The following GALNTL6 variants were observed in gnomAD, a reference collection of about 807,000 sequenced individuals.
GALNTL6 encodes polypeptide N-acetylgalactosaminyltransferase-like 6.
A neutral mutation model predicts 73.7 loss-of-function variants in GALNTL6; 46 were observed. The observed-to-expected ratio is 0.62, with a 90% CI of 0.49 to 0.80. GALNTL6 has a LOEUF of 0.80. Ranked by LOEUF, GALNTL6 falls within the 30% of genes least tolerant of loss-of-function variation. GALNTL6 has a pLI of 0.00. For synonymous variants in GALNTL6, 259 were observed against 263.7 expected, an observed-to-expected ratio of 0.98 and a Z score of 0.17; for missense variants, 604 against 755.0, an observed-to-expected ratio of 0.80 and a Z score of 2.34.
At chr4:172,037,502 T>C (rs1164351029) in intron 2 of GALNTL6, among the ~76,000 whole-genome samples, 2 of 152,156 alleles carry the variant, frequency 1.3e-5, no homozygotes, top group Non-Finnish European at 2.9e-5. Flanking sequence ...CCTGCTCACA[T>C]AAAAACACTA....
At chr4:172,774,813 A>G (rs1052427146) in intron 5 of GALNTL6, among the ~76,000 whole-genome samples, 1 of 152,054 alleles carries the variant, frequency 6.6e-6, no homozygotes, top group African/African-American at 2.4e-5. Context: ...ACAAAAAATT[A>G]GCTGGGCGTG....
chr4:172,489,589 G>A (rs1033614015), intron 5 of GALNTL6, among the ~76,000 whole-genome samples: 2 of 152,138 alleles, frequency 1.3e-5, no homozygotes, highest in Non-Finnish European at 2.9e-5. Flanking sequence ...ATTAATACTA[G>A]TGTCATTATC....
At chr4:172,209,261 TTCTGG>T (rs1290337095) in intron 2 of GALNTL6, among the ~76,000 whole-genome samples, 11 of 152,220 alleles carry the variant, frequency 7.2e-5, no homozygotes, top group African/African-American at 2.4e-4. Flanking sequence ...TATTTTAGCA[TTCTGG>T]AAATTATCCA....
chr4:171,939,601 T>G (rs56713135), intron 2 of GALNTL6, among the ~76,000 whole-genome samples: 6,691 of 152,084 alleles, frequency 0.044, 396 homozygotes, highest in African/African-American at 0.14. Context: ...AAACTGTGTT[T>G]AATTACTTCA....
chr4:172,989,692 C>T (rs1373859466), intron 10 of GALNTL6, among the ~76,000 whole-genome samples: 2 of 152,170 alleles, frequency 1.3e-5, no homozygotes, highest in Non-Finnish European at 2.9e-5. Flanking sequence ...CCATGTGAGA[C>T]GTGTCTGCTT....
At chr4:172,838,545 A>T (rs6827725) in intron 7 of GALNTL6, among the ~76,000 whole-genome samples, 1 of 152,088 alleles carries the variant, frequency 6.6e-6, no homozygotes, top group Non-Finnish European at 1.5e-5. Context: ...TCTCTGTTTA[A>T]GTTAGACAGA....
chr4:173,014,472 C>T (rs562031623), intron 11 of GALNTL6, among the ~76,000 whole-genome samples: 21 of 152,262 alleles, frequency 1.4e-4, no homozygotes, highest in Non-Finnish European at 2.4e-4. Context: ...TTCGTCCTCC[C>T]GAGGAAGCAA....
chr4:173,004,765 C>T (rs141879014), intron 10 of GALNTL6, among the ~76,000 whole-genome samples: 26 of 152,292 alleles, frequency 1.7e-4, no homozygotes, highest in Non-Finnish European at 2.8e-4. Context: ...TTCAGGTCCT[C>T]TCTGATGTCC....
At chr4:172,674,552 A>C (rs1397091394) in intron 5 of GALNTL6, among the ~76,000 whole-genome samples, 3 of 152,128 alleles carry the variant, frequency 2.0e-5, no homozygotes, top group African/African-American at 7.2e-5. Flanking sequence ...CTATTCTAAA[A>C]TATGTTTTCC....
intron 7 of GALNTL6, among the ~76,000 whole-genome samples, chr4:172,882,555 T>C (rs1436380571): frequency 1.3e-5 from 2 of 152,194 alleles, no homozygotes; most frequent in African/African-American, 4.8e-5. Context: ...ATTGTTGCAT[T>C]AAAACCTGAA....
At chr4:172,623,778 T>C (rs1316494179) in intron 5 of GALNTL6, among the ~76,000 whole-genome samples, 1 of 152,166 alleles carries the variant, frequency 6.6e-6, no homozygotes, top group African/African-American at 2.4e-5. Flanking sequence ...TAACATTGTG[T>C]GTGAACTAGG....
intron 9 of GALNTL6, among the ~76,000 whole-genome samples, chr4:172,943,217 C>T (rs1453118071): frequency 6.6e-6 from 1 of 152,098 alleles, no homozygotes; most frequent in East Asian, 1.9e-4. Context: ...CTCAAGCAGC[C>T]CTGTAGAATG....
chr4:172,731,464 G>T (rs1230387349), intron 5 of GALNTL6, among the ~76,000 whole-genome samples: 1 of 151,918 alleles, frequency 6.6e-6, no homozygotes, highest in Non-Finnish European at 1.5e-5. Context: ...TCTAGCTAAA[G>T]GTTTGTTGAT....
chr4:172,539,492 T>C (rs1735472305), intron 5 of GALNTL6, among the ~76,000 whole-genome samples: 1 of 152,164 alleles, frequency 6.6e-6, no homozygotes, highest in African/African-American at 2.4e-5. Context: ...ATGTCTCTCT[T>C]TTTCTATTTC....
intron 7 of GALNTL6, among the ~76,000 whole-genome samples, chr4:172,821,942 C>T (rs186516196): frequency 6.6e-6 from 1 of 152,248 alleles, no homozygotes; most frequent in East Asian, 1.9e-4. Flanking sequence ...CTGGAGGCCC[C>T]TGGCTGCCCT....
At chr4:172,850,699 T>C (rs922244600) in intron 7 of GALNTL6, among the ~76,000 whole-genome samples, 1 of 152,164 alleles carries the variant, frequency 6.6e-6, no homozygotes, top group African/African-American at 2.4e-5. Context: ...ACAAGTCTTA[T>C]GTTGTAACCT....
At chr4:172,656,691 G>A (rs837206) in intron 5 of GALNTL6, among the ~76,000 whole-genome samples, 3,517 of 152,222 alleles carry the variant, frequency 0.023, 128 homozygotes, top group African/African-American at 0.074. Flanking sequence ...TAATTTCCTT[G>A]TATAAGAGAT....
At chr4:172,685,213 T>C (rs1438299384) in intron 5 of GALNTL6, among the ~76,000 whole-genome samples, 1 of 152,184 alleles carries the variant, frequency 6.6e-6, no homozygotes. Flanking sequence ...TATATTCTTA[T>C]TTTTGAACCT....
chr4:171,827,826 A>G (rs1381837959), intron 2 of GALNTL6, among the ~76,000 whole-genome samples: 1 of 152,116 alleles, frequency 6.6e-6, no homozygotes, highest in East Asian at 1.9e-4. Context: ...CCTTAAACAT[A>G]GGTTTGAACT....
Sources: allele counts gnomAD v4.1 joint callset (sites outside exome capture counted in the v4.1 genomes callset), GRCh38; gene constraint gnomAD v4.1.1; transcripts MANE v1.5; gene names NCBI Gene and HGNC (gene_info 2026-07-23, HGNC 2026-07-21).